Variants in CNTN4 observed in about 807,000 individuals in gnomAD.
CNTN4 encodes the protein contactin 4, also known as contactin-4.
A neutral mutation model predicts 122.5 loss-of-function variants in CNTN4; 77 were observed. The observed-to-expected ratio is 0.63, with a 90% CI of 0.52 to 0.76. The LOEUF is 0.76. Ranked by LOEUF, CNTN4 falls within the 30% of genes least tolerant of loss-of-function variation. The pLI is 0.00. For missense variants in CNTN4, 1,256 were observed against 1,259.1 expected (o/e 1.00, Z 0.04); for synonymous variants, 512 against 447.0 (o/e 1.15, Z -1.83).
intron 2 of CNTN4, among the ~76,000 whole-genome samples, chr3:2,290,390 A>G (rs1055914024): frequency 2.0e-5 from 3 of 152,180 alleles, no homozygotes; most frequent in African/African-American, 7.2e-5. Flanking sequence ...TGGAATTGAC[A>G]TTGGAACATT....
At chr3:2,563,528 A>T (rs2149442218) in intron 3 of CNTN4, among the ~76,000 whole-genome samples, 1 of 152,270 alleles carries the variant, frequency 6.6e-6, no homozygotes, top group African/African-American at 2.4e-5. Context: ...CCATTACGTT[A>T]TCTCCAACAT....
At chr3:3,035,305 CAAAA>C (rs1255595358) in intron 17 of CNTN4, among the ~76,000 whole-genome samples, 2 of 64,464 alleles carry the variant, frequency 3.1e-5, no homozygotes. Context: ...GACTCCGTCT[CAAAA>C]AAAAAAAAAA....
chr3:2,353,831 G>C (rs1042427753), intron 3 of CNTN4, among the ~76,000 whole-genome samples: 97 of 152,122 alleles, frequency 6.4e-4, no homozygotes, highest in Non-Finnish European at 1.0e-3. Flanking sequence ...CCCGGGAGGC[G>C]GAGCTTGCAG....
At chr3:2,996,037 TATAAA>T (rs1394892978) in intron 14 of CNTN4, among the ~76,000 whole-genome samples, 24 of 152,268 alleles carry the variant, frequency 1.6e-4, no homozygotes, top group African/African-American at 5.8e-4. Context: ...AAATTAGTAA[TATAAA>T]ATAATACCTT....
At chr3:2,368,994 G>A (rs552779848) in intron 3 of CNTN4, among the ~76,000 whole-genome samples, 63 of 152,074 alleles carry the variant, frequency 4.1e-4, no homozygotes, top group Admixed American at 1.3e-3. Context: ...GCAAGATCTC[G>A]GCTCCCTGCA....
At position 3,056,858 on chromosome 3, in the gene CNTN4, A is replaced by G. The variant is rs1180448011; in HGVS notation, c.*638A>G. On this transcript the variant is annotated 3_prime_UTR_variant, in exon 25 of 25. Coordinates refer to ENST00000418658, the MANE Select transcript of CNTN4 (RefSeq NM_175607.3). ...GTTGTGAATTTTGTTGTTCAACCCAACTTGAGATGGTTTCAGGAATGGCTG... is the reference window on the plus strand; with the variant it reads ...GTTGTGAATTTTGTTGTTCAACCCAGCTTGAGATGGTTTCAGGAATGGCTG... 6.5e-6 allele frequency: 1 copy of G among 152,706 alleles called. No individual in the cohort carries two copies. The highest frequency in any genetic ancestry group is 2.1e-4 in the South Asian group (1 of 4,830). The allele number at this position is 152,706 out of a possible 1,614,324, so 9.5% of individuals were successfully genotyped here. A position where few individuals can be genotyped will look rare whatever the true frequency, so the allele number is the denominator to read the frequency against.
chr3:2,885,898 T>G (rs981326847), intron 9 of CNTN4, among the ~76,000 whole-genome samples: 28 of 152,176 alleles, frequency 1.8e-4, no homozygotes, highest in African/African-American at 6.0e-4. Flanking sequence ...GACTGTTATC[T>G]GGAAGCCTTA....
chr3:2,578,264 C>T (rs1207772219), intron 4 of CNTN4, among the ~76,000 whole-genome samples: 1 of 152,148 alleles, frequency 6.6e-6, no homozygotes, highest in African/African-American at 2.4e-5. Context: ...AAAGTTTGGG[C>T]TTATTCTAGT....
chr3:2,845,240 T>C (rs1230905266), intron 7 of CNTN4, among the ~76,000 whole-genome samples: 7 of 152,142 alleles, frequency 4.6e-5, no homozygotes, highest in Non-Finnish European at 7.3e-5. Flanking sequence ...TACTCAGATC[T>C]TGTCACAACT....
At chr3:2,462,702 C>T (rs150532659) in intron 3 of CNTN4, among the ~76,000 whole-genome samples, 1 of 152,088 alleles carries the variant, frequency 6.6e-6, no homozygotes, top group African/African-American at 2.4e-5. Flanking sequence ...ACAAGAGTTT[C>T]CAAGTATAAT....
chr3:2,404,537 TC>T (rs1438133392), intron 3 of CNTN4, among the ~76,000 whole-genome samples: 2 of 152,186 alleles, frequency 1.3e-5, no homozygotes, highest in Non-Finnish European at 2.9e-5. Flanking sequence ...CTGTCCTGCC[TC>T]ACCTTCTCCT....
intron 2 of CNTN4, among the ~76,000 whole-genome samples, chr3:2,275,206 A>C (rs2041456348): frequency 6.6e-6 from 1 of 152,188 alleles, no homozygotes; most frequent in South Asian, 2.1e-4. Flanking sequence ...GAATGCTTTC[A>C]TGTCAGTTGA....
intron 2 of CNTN4, among the ~76,000 whole-genome samples, chr3:2,219,981 G>A (rs1219493782): frequency 6.6e-6 from 1 of 151,466 alleles, no homozygotes; most frequent in Admixed American, 6.6e-5. Context: ...TTGTTTTTTT[G>A]CTTGTTCAGG....
chr3:2,203,877 A>T (rs1350429465), intron 2 of CNTN4, among the ~76,000 whole-genome samples: 1 of 152,152 alleles, frequency 6.6e-6, no homozygotes, highest in Non-Finnish European at 1.5e-5. Context: ...ACCTGTTTAT[A>T]CAGATGAGAA....
intron 4 of CNTN4, among the ~76,000 whole-genome samples, chr3:2,694,169 T>C (rs763942916): frequency 3.3e-5 from 5 of 152,188 alleles, no homozygotes; most frequent in Non-Finnish European, 5.9e-5. Flanking sequence ...TGCCAAGTCT[T>C]TCCCCCTGCC....
intron 4 of CNTN4, among the ~76,000 whole-genome samples, chr3:2,729,882 C>T (rs9826863): frequency 0.089 from 13,474 of 152,132 alleles, 2,026 homozygotes; most frequent in African/African-American, 0.3. Flanking sequence ...CCACTGTACT[C>T]CAGCCTGAGT....
intron 4 of CNTN4, among the ~76,000 whole-genome samples, chr3:2,592,967 A>C (rs998150528): frequency 6.6e-6 from 1 of 152,204 alleles, no homozygotes; most frequent in Non-Finnish European, 1.5e-5. Flanking sequence ...TGAAGAGAAA[A>C]GCAGTGTCAG....
chr3:2,742,053 G>A (rs980700389), intron 5 of CNTN4, among the ~76,000 whole-genome samples: 2 of 152,184 alleles, frequency 1.3e-5, no homozygotes, highest in African/African-American at 2.4e-5. Flanking sequence ...TTGAAAGAAA[G>A]AGCAAGACAA....
rs1012715484 is a variant in CNTN4, at chr3:2,989,703, A to G, written c.1486+1231A>G. ...TTAATTACTTCCTCAGAGCACTAGC[A>G]TCAGTGTATGACTGACTGCTTGTTC... On this transcript the variant is annotated intron_variant, in intron 14 of 24. Coordinates refer to ENST00000418658, the MANE Select transcript of CNTN4 (RefSeq NM_175607.3). Among the ~76,000 whole-genome samples the G allele has an allele frequency of 1.2e-4, 18 of 152,364 alleles. No homozygotes were observed. In the South Asian group the frequency reaches 3.7e-3, roughly 32 times the overall value.
Sources: allele counts gnomAD v4.1 joint callset (sites outside exome capture counted in the v4.1 genomes callset), GRCh38; gene constraint gnomAD v4.1.1; transcripts MANE v1.5; gene names NCBI Gene and HGNC (gene_info 2026-07-23, HGNC 2026-07-21).